The following NLGN1 variants were observed in gnomAD, a reference collection of about 807,000 sequenced individuals.
NLGN1 encodes the protein neuroligin 1, also known as neuroligin-1.
NLGN1 carries 12 observed loss-of-function variants against 65.5 expected under a neutral mutation model. The observed-to-expected ratio is 0.18, with a 90% confidence interval of 0.12 to 0.30. The LOEUF is 0.30. NLGN1 is among the 10% of genes least tolerant of loss of function. The probability of loss-of-function intolerance (pLI) is 1.00; values close to 1 mark genes in which losing one functional copy is unlikely to be tolerated. For missense variants in NLGN1, 750 were observed against 1,007.1 expected (o/e 0.74, Z 3.46); for synonymous variants, 350 against 359.5 (o/e 0.97, Z 0.30).
At chr3:173,509,443 T>C (rs1422579578) in intron 2 of NLGN1, among the ~76,000 whole-genome samples, 1 of 152,018 alleles carries the variant, frequency 6.6e-6, no homozygotes, top group Non-Finnish European at 1.5e-5. Flanking sequence ...TGAAACCCCA[T>C]TTCTGCATAA....
At chr3:173,832,072 C>T (rs527976348) in intron 4 of NLGN1, among the ~76,000 whole-genome samples, 12 of 151,634 alleles carry the variant, frequency 7.9e-5, no homozygotes, top group Non-Finnish European at 1.5e-4. Flanking sequence ...ATCTTTCCAC[C>T]TCAACCTCTC....
chr3:174,188,167 A>T (rs1276117038), intron 4 of NLGN1, among the ~76,000 whole-genome samples: 5 of 152,030 alleles, frequency 3.3e-5, no homozygotes, highest in Non-Finnish European at 1.5e-5. Flanking sequence ...ATGAAATAAC[A>T]TTCATGATAA....
At chr3:173,906,864 C>CAAAA (rs1738504540) in intron 4 of NLGN1, among the ~76,000 whole-genome samples, 1 of 52,510 alleles carries the variant, frequency 1.9e-5, no homozygotes, top group Non-Finnish European at 4.0e-5. Flanking sequence ...CATCTTTAAA[C>CAAAA]AAACAAACAA....
intron 4 of NLGN1, among the ~76,000 whole-genome samples, chr3:174,150,142 A>G (rs1029323715): frequency 2.0e-5 from 3 of 152,168 alleles, no homozygotes; most frequent in African/African-American, 7.2e-5. Context: ...TAACATGGAC[A>G]ATATATAGCT....
Position 173,642,009 on chromosome 3 carries a change from G to A in NLGN1, c.493+36918G>A, listed in dbSNP as rs866097914. Among the ~76,000 whole-genome samples the A allele has an allele frequency of 4.7e-5, 7 of 148,884 alleles. No individual in the cohort carries two copies. The South Asian group carries it at 8.6e-4, about 18-fold the overall frequency. On this transcript the variant is annotated intron_variant, in intron 3 of 6. Coordinates refer to ENST00000457714, the Ensembl canonical transcript of NLGN1. ...GTATTTTATATAGATGCTTTCAGTG[G>A]ACTGCTCTCTCTCTCTCTCTCTCTC...
At chr3:174,050,456 T>A (rs1734569964) in intron 4 of NLGN1, among the ~76,000 whole-genome samples, 1 of 151,846 alleles carries the variant, frequency 6.6e-6, no homozygotes, top group African/African-American at 2.4e-5. Context: ...GCATTTAACA[T>A]AGATTAAAAG....
intron 4 of NLGN1, among the ~76,000 whole-genome samples, chr3:174,146,709 A>G (rs907961151): frequency 4.0e-5 from 6 of 151,620 alleles, no homozygotes; most frequent in Non-Finnish European, 8.8e-5. Context: ...CTGGGATTAC[A>G]GGCACCCGCC....
At chr3:173,688,543 C>T (rs895361374) in intron 3 of NLGN1, among the ~76,000 whole-genome samples, 1 of 152,078 alleles carries the variant, frequency 6.6e-6, no homozygotes, top group Non-Finnish European at 1.5e-5. Flanking sequence ...ATAATATAGC[C>T]ATTGAGAGAG....
At chr3:173,519,880 T>C (rs924731830) in intron 2 of NLGN1, among the ~76,000 whole-genome samples, 2 of 151,990 alleles carry the variant, frequency 1.3e-5, no homozygotes, top group East Asian at 3.9e-4. Flanking sequence ...GGGCCAAGGG[T>C]GGGATGATAT....
At chr3:173,712,167 TTTTA>T (rs1769094898) in intron 3 of NLGN1, among the ~76,000 whole-genome samples, 2 of 150,844 alleles carry the variant, frequency 1.3e-5, no homozygotes, top group South Asian at 4.2e-4. Context: ...TGTTGAGTGT[TTTTA>T]TTCTGCAGTT....
rs186321589 is a variant in NLGN1 at position 173,628,090 on chromosome 3, C to T, written c.493+22999C>T. 1.6e-3 allele frequency among the ~76,000 whole-genome samples: 242 copies of T among 152,196 alleles called. 1 individual carries two copies. Among genetic ancestry groups the T allele is most frequent in the African/African-American group, 5.5e-3 (227 of 41,538 alleles). On this transcript the variant is annotated intron_variant, in intron 3 of 6. Coordinates refer to ENST00000457714, the Ensembl canonical transcript of NLGN1. ...GGGAGTTTAAGCACTGAAAATAGTC[C>T]GTACTGACTGGGGCCTGTCCCACCT...
chr3:173,744,855 T>C (rs761913473), intron 3 of NLGN1, among the ~76,000 whole-genome samples: 9 of 151,802 alleles, frequency 5.9e-5, no homozygotes, highest in Non-Finnish European at 1.2e-4. Context: ...TCTTTGTTGC[T>C]CTGCTGGGAT....
intron 2 of NLGN1, among the ~76,000 whole-genome samples, chr3:173,518,691 A>G (rs947965218): frequency 6.6e-6 from 1 of 152,076 alleles, no homozygotes; most frequent in African/African-American, 2.4e-5. Context: ...ACCTATGCTC[A>G]TATGTGTGAG....
At chr3:173,822,224 G>A (rs927898771) in intron 4 of NLGN1, among the ~76,000 whole-genome samples, 3 of 152,034 alleles carry the variant, frequency 2.0e-5, no homozygotes, top group East Asian at 1.9e-4. Flanking sequence ...TTTACGATCC[G>A]TACTTCCATG....
intron 4 of NLGN1, among the ~76,000 whole-genome samples, chr3:174,215,434 C>T (rs1737412539): frequency 6.6e-6 from 1 of 152,198 alleles, no homozygotes; most frequent in Admixed American, 6.5e-5. Context: ...AAAATTATAC[C>T]TCCTGCCTAT....
intron 4 of NLGN1, among the ~76,000 whole-genome samples, chr3:173,912,963 T>G: frequency 6.6e-6 from 1 of 152,126 alleles, no homozygotes; most frequent in Non-Finnish European, 1.5e-5. Flanking sequence ...GTATAGAGGT[T>G]GGAGTGGTGA....
At chr3:173,815,897 C>A (rs1356727931) in intron 4 of NLGN1, among the ~76,000 whole-genome samples, 1 of 151,716 alleles carries the variant, frequency 6.6e-6, no homozygotes, top group Non-Finnish European at 1.5e-5. Flanking sequence ...CTCAGGCCTC[C>A]TTTTCTTATT....
chr3:173,956,348 A>G lies in NLGN1; in HGVS notation c.646+148516A>G, dbSNP rs557301900. ...AAATAAGAATGTTTGAAATTGACCAAAAGGTTTTTCTTTATTGTTGTAATC... is the reference window on the plus strand; with the variant it reads ...AAATAAGAATGTTTGAAATTGACCAGAAGGTTTTTCTTTATTGTTGTAATC... On this transcript the variant is annotated intron_variant, in intron 4 of 6. Transcript: ENST00000457714. Among the ~76,000 whole-genome samples the G allele has an allele frequency of 7.2e-5, 11 of 152,064 alleles. No homozygotes were observed. In the South Asian group the frequency reaches 2.3e-3, roughly 32 times the overall value.
At chr3:174,151,851 A>G (rs1389573604) in intron 4 of NLGN1, among the ~76,000 whole-genome samples, 1 of 152,140 alleles carries the variant, frequency 6.6e-6, no homozygotes, top group Non-Finnish European at 1.5e-5. Context: ...TGATTTCCAC[A>G]CTACAGATGG....
Sources: allele counts gnomAD v4.1 joint callset (sites outside exome capture counted in the v4.1 genomes callset), GRCh38; gene constraint gnomAD v4.1.1; transcripts MANE v1.5; gene names NCBI Gene and HGNC (gene_info 2026-07-23, HGNC 2026-07-21).